The following CCDC180 variants were observed in gnomAD, a reference collection of about 807,000 sequenced individuals.
CCDC180 encodes coiled-coil domain-containing protein 180.
Under a neutral mutation model 209.2 loss-of-function variants are expected in CCDC180, and 154 were observed. The ratio of observed to expected loss-of-function variants is 0.74; its 90% CI spans 0.65 to 0.84. CCDC180 has a LOEUF of 0.84. Ranked by LOEUF, CCDC180 falls within the 40% of genes least tolerant of loss-of-function variation. CCDC180 has a pLI of 0.00. For missense variants in CCDC180, 1,874 were observed against 1,997.3 expected, an observed-to-expected ratio of 0.94 and a Z score of 1.18; for synonymous variants, 778 against 749.1, an observed-to-expected ratio of 1.04 and a Z score of -0.63.
intron 18 of CCDC180, among the ~76,000 whole-genome samples, chr9:97,339,790 T>C (rs1309878554): frequency 1.3e-5 from 2 of 152,236 alleles, no homozygotes. Flanking sequence ...CACTTTCAGG[T>C]ACACCAGTCA....
intron 18 of CCDC180, among the ~76,000 whole-genome samples, chr9:97,332,493 A>G (rs771932866): frequency 2.0e-5 from 3 of 152,202 alleles, no homozygotes; most frequent in Non-Finnish European, 4.4e-5. Flanking sequence ...GACTCTTCCT[A>G]TCCATGAACA....
At chr9:97,333,512 T>G (rs1266513265) in intron 18 of CCDC180, among the ~76,000 whole-genome samples, 1 of 149,268 alleles carries the variant, frequency 6.7e-6, no homozygotes, top group Non-Finnish European at 1.5e-5. Context: ...GGTTTTTTTT[T>G]TTTTTTTTTT....
intron 18 of CCDC180, among the ~76,000 whole-genome samples, chr9:97,333,390 T>C (rs1825804474): frequency 6.6e-6 from 1 of 152,166 alleles, no homozygotes; most frequent in South Asian, 2.1e-4. Context: ...ATAGAATGAG[T>C]TGGGGAGGAG....
At chr9:97,350,681 T>A (rs1826398947) in intron 22 of CCDC180, 126 bp downstream of exon 22, 2 of 1,010,520 alleles carry the variant, frequency 2.0e-6, no homozygotes, top group African/African-American at 3.2e-5. Flanking sequence ...ATCTTAACCA[T>A]TTTTAGGTGC....
At chr9:97,357,987 C>A (rs1826631387) in intron 25 of CCDC180, 1 of 353,644 alleles carries the variant, frequency 2.8e-6, no homozygotes, top group Non-Finnish European at 5.1e-6. Flanking sequence ...CTGAGTCTGG[C>A]TTCCTCTGAC....
chr9:97,309,712 AG>A, intron 3 of CCDC180, 108 bp downstream of exon 3: 1 of 879,816 alleles, frequency 1.1e-6, no homozygotes, highest in Non-Finnish European at 1.7e-6. Context: ...TGAAGTCTCA[AG>A]TACCACCCCT....
In CCDC180 at chr9:97,354,920, G is replaced by A; in HGVS notation, c.3176G>A (p.Ser1059Asn). The change falls in exon 24 of 37, where the codon AGC becomes AAC. Residue 1059 changes from serine to asparagine, a missense_variant. By Grantham distance (46) the Ser-to-Asn change is conservative (BLOSUM62 1). Coordinates refer to ENST00000529487, the MANE Select transcript of CCDC180 (RefSeq NM_020893.6). The stretch of plus-strand genomic sequence containing the variant: ...AATGATGTCATCAACAAGTTTGAAA[G>A]CAAATTCCATAACCTGTCTGTGGAC... ...QANDVINKFESKFHNLSVDLI... is the reference protein window; with the variant it reads ...QANDVINKFENKFHNLSVDLI... The A allele has an allele frequency of 6.2e-7, 1 of 1,614,038 alleles. No individual in the cohort carries two copies.
At chr9:97,340,416 C>T (rs946686417) in intron 18 of CCDC180, among the ~76,000 whole-genome samples, 3 of 152,078 alleles carry the variant, frequency 2.0e-5, no homozygotes, top group Non-Finnish European at 2.9e-5. Flanking sequence ...ACCGAGGACA[C>T]GAGCTGTTCC....
rs1028733187 is a variant in CCDC180 at position 97,377,537 on chromosome 9, G to GTT, written c.*644_*645insTT. The GTT allele has an allele frequency of 3.9e-5, 6 of 152,218 alleles. No individual in the cohort carries two copies. Among genetic ancestry groups the GTT allele is most frequent in the African/African-American group, 1.4e-4 (6 of 41,430 alleles). The allele number at this position is 152,218 out of a possible 1,614,324, so 9.4% of individuals were successfully genotyped here. On this transcript the variant is annotated 3_prime_UTR_variant, in exon 37 of 37. Transcript: ENST00000529487. ...CCTTCATTTGTCGGTAGCTGTGTGT[G>GTT]TCATCTGGACAGGTTTCCTCAGCCA... is the stretch of plus-strand genomic sequence containing the variant.
intron 22 of CCDC180, 122 bp from the exon 23 acceptor site, chr9:97,354,447 T>C (rs1252753934): frequency 1.1e-6 from 1 of 948,946 alleles, no homozygotes; most frequent in East Asian, 2.4e-5. Flanking sequence ...GTGTTCATTT[T>C]CCCACATCTT....
At chr9:97,323,760 G>A in intron 12 of CCDC180, 21 bp from the exon 13 acceptor site, 1 of 1,552,778 alleles carries the variant, frequency 6.4e-7, no homozygotes, top group Non-Finnish European at 8.7e-7. Context: ...GCCAGGCTCT[G>A]CCTTGTCCCA....
chr9:97,343,530 T>A lies in CCDC180; in HGVS notation c.2465T>A (p.Ile822Asn), dbSNP rs776526056. ...SSAKFIEQVT[I>N]PSRLILEIKK... is the part of the protein sequence containing the mutation. ...GCCAAGTTCATAGAACAAGTGACAA[T>A]TCCATCGAGACTAATTTTAGAAATT... The change falls in exon 19 of 37, where the codon ATT (isoleucine) becomes AAT (asparagine). Residue 822 changes from isoleucine to asparagine, a missense_variant. Coordinates refer to ENST00000529487, the MANE Select transcript of CCDC180 (RefSeq NM_020893.6). 1.9e-6 allele frequency: 3 copies of A among 1,613,690 alleles called. No individual in the cohort carries two copies. Among genetic ancestry groups the A allele is most frequent in the Non-Finnish European group, 2.5e-6 (3 of 1,179,730 alleles).
At chr9:97,362,569 A>G (rs1826795705) in intron 28 of CCDC180, 128 bp downstream of exon 28, 6 of 1,369,880 alleles carry the variant, frequency 4.4e-6, no homozygotes, top group Non-Finnish European at 4.9e-6. Flanking sequence ...CTGGGACTCC[A>G]CGGGGCGCAG....
At chr9:97,359,663 C>T (rs1300957190) in intron 25 of CCDC180, among the ~76,000 whole-genome samples, 1 of 151,900 alleles carries the variant, frequency 6.6e-6, no homozygotes, top group Non-Finnish European at 1.5e-5. Flanking sequence ...TATTTTGTGT[C>T]CCCATCTTAC....
chr9:97,349,360 A>G (rs1201151877), intron 21 of CCDC180, 69 bp downstream of exon 21: 2 of 1,371,318 alleles, frequency 1.5e-6, no homozygotes, highest in East Asian at 2.5e-5. Context: ...GCTGCTTTCA[A>G]AGGAGCCCCC....
intron 18 of CCDC180, among the ~76,000 whole-genome samples, chr9:97,336,174 C>T (rs1432979857): frequency 6.6e-6 from 1 of 152,142 alleles, no homozygotes; most frequent in East Asian, 1.9e-4. Context: ...TGATTAGATC[C>T]CATTTGTCAA....
chr9:97,335,983 A>G (rs1825892193), intron 18 of CCDC180, among the ~76,000 whole-genome samples: 1 of 152,202 alleles, frequency 6.6e-6, no homozygotes. Flanking sequence ...CTTCTTTTGA[A>G]AAGTGTCTGT....
intron 21 of CCDC180, 122 bp downstream of exon 21, chr9:97,349,413 T>C (rs1826362094): frequency 3.7e-6 from 3 of 805,478 alleles, no homozygotes; most frequent in Non-Finnish European, 5.7e-6. Context: ...CAGAGCCTTC[T>C]TTTGAGTTAA....
rs1236001900 is a variant in CCDC180, at chr9:97,366,365, A to G, written c.4048-194A>G. Among the ~76,000 whole-genome samples, 2 of 152,130 alleles carry G rather than the reference A, an allele frequency of 1.3e-5. No individual in the cohort carries two copies. The highest frequency in any genetic ancestry group is 4.8e-5 in the African/African-American group (2 of 41,428). ...AATAACGAGGGCTGGCCATGGCTCC[A>G]CTCACTCCAGGTGGGCCCAGGGAGG... On this transcript the variant is annotated intron_variant, in intron 30 of 36. Transcript: ENST00000529487. The surrounding 1 kb of genome is among the most constrained non-coding windows in gnomAD (Gnocchi z 4.3).
Sources: gnomAD v4.1 joint callset for allele counts (sites outside exome capture counted in the v4.1 genomes callset) on GRCh38, gnomAD v4.1.1 for gene constraint, Gnocchi (gnomAD v3.1) non-coding constraint, MANE v1.5 for transcripts, NCBI Gene and HGNC (gene_info 2026-07-23, HGNC 2026-07-21) for gene names.